PKHD1: variants seen among roughly 807,000 people sequenced by gnomAD.
PKHD1 encodes the protein fibrocystin.
In PKHD1, 291 loss-of-function variants were observed where a neutral mutation model predicts 412.0. The ratio of observed to expected loss-of-function variants is 0.71; its 90% CI spans 0.64 to 0.78. The LOEUF is 0.78. Among genes scored for constraint, PKHD1 ranks in the 30% least tolerant of loss-of-function variants. The pLI is 0.00. For synonymous variants in PKHD1, 1,777 were observed against 1,821.5 expected (o/e 0.98, Z 0.62); for missense variants, 4,825 against 4,950.7 (o/e 0.97, Z 0.76).
chr6:51,874,981 C>T (rs1354748676), intron 46 of PKHD1, among the ~76,000 whole-genome samples: 4 of 68,692 alleles, frequency 5.8e-5, no homozygotes, highest in African/African-American at 6.3e-5. Context: ...GTTCCCTTTC[C>T]GAGTCAAAGA....
rs559081597 is a variant in PKHD1 at position 51,939,207 on chromosome 6, T to C, written c.5909-4885A>G. 7.3e-5 allele frequency among the ~76,000 whole-genome samples: 11 copies of C among 151,032 alleles called. No homozygotes were observed. The East Asian group carries it at 1.9e-3, about 27-fold the overall frequency. ...TGTCTCTACCCCTTCTCCACTTTTC[T>C]GGGGGGCAAGAACCCCCCCAACCCC... On this transcript the variant is annotated intron_variant, in intron 36 of 66. Coordinates refer to ENST00000371117, the MANE Select transcript of PKHD1 (RefSeq NM_138694.4).
chr6:51,939,167 G>A lies in PKHD1; in HGVS notation c.5909-4845C>T, dbSNP rs1013907536. Among the ~76,000 whole-genome samples, 20 of 150,522 alleles carry A rather than the reference G, an allele frequency of 1.3e-4. 2 individuals are homozygous for A. Among genetic ancestry groups the A allele is most frequent in the Admixed American group, 5.3e-4 (8 of 15,136 alleles). On this transcript the variant is annotated intron_variant, in intron 36 of 66. Transcript: ENST00000371117. ...TTTTCTGGGGGGCAAGGACCCCCCT[G>A]ACCCCTTCTCTCCATGTCTCTACCC...
chr6:52,082,528 C>T lies in PKHD1; in HGVS notation c.145G>A (p.Val49Ile), dbSNP rs1812194918. The change falls in exon 4 of 67, where the codon GTT (valine) becomes ATT (isoleucine). Residue 49 changes from valine (V) to isoleucine (I), a missense_variant. By Grantham distance (29) the Val-to-Ile change is conservative (BLOSUM62 3). Coordinates refer to ENST00000371117, the MANE Select transcript of PKHD1 (RefSeq NM_138694.4). ...TGAGAGCCATTGTTGGGGTAAAGAA[C>T]ACCCAACTCCAAACCTAACACAAGG... The part of the protein sequence containing the change: ...TVIFDGLELG[V>I]LYPNNGSQLE... The T allele has an allele frequency of 6.2e-7, 1 of 1,613,906 alleles. No individual in the cohort carries two copies. Among genetic ancestry groups the T allele is most frequent in the South Asian group, 1.1e-5 (1 of 91,074 alleles).
chr6:51,636,558 T>C (rs1014778481), intron 64 of PKHD1, among the ~76,000 whole-genome samples: 3 of 150,404 alleles, frequency 2.0e-5, no homozygotes, highest in African/African-American at 7.4e-5. Flanking sequence ...TCTCTAAAAA[T>C]AACAACAACA....
intron 60 of PKHD1, among the ~76,000 whole-genome samples, chr6:51,660,759 G>T (rs1013944260): frequency 1.3e-5 from 2 of 152,264 alleles, no homozygotes; most frequent in Non-Finnish European, 2.9e-5. Flanking sequence ...CATGCCCTCT[G>T]CATGTGCCAC....
At chr6:51,828,212 T>C (rs914180305) in intron 52 of PKHD1, among the ~76,000 whole-genome samples, 6 of 152,050 alleles carry the variant, frequency 3.9e-5, no homozygotes, top group African/African-American at 1.4e-4. Flanking sequence ...AAAGATACAA[T>C]GAAGAGTTAG....
intron 50 of PKHD1, among the ~76,000 whole-genome samples, chr6:51,837,078 G>A (rs552341726): frequency 3.2e-4 from 49 of 152,312 alleles, no homozygotes; most frequent in Non-Finnish European, 1.5e-5. Context: ...GGATAAACCA[G>A]TAGATTAAGC....
chr6:51,805,240 C>T (rs186657083), intron 52 of PKHD1, among the ~76,000 whole-genome samples: 142 of 152,298 alleles, frequency 9.3e-4, no homozygotes, highest in Admixed American at 3.9e-3. Context: ...CACATGGGTG[C>T]TGCTGGAGGC....
intron 35 of PKHD1, among the ~76,000 whole-genome samples, chr6:51,997,855 A>G (rs1797881924): frequency 1.3e-5 from 2 of 152,182 alleles, no homozygotes; most frequent in African/African-American, 2.4e-5. Context: ...ACTAAGTCCC[A>G]TCAGTCGTTT....
intron 4 of PKHD1, 98 bp downstream of exon 4, chr6:52,082,294 A>T: frequency 8.3e-7 from 1 of 1,209,006 alleles, no homozygotes; most frequent in Non-Finnish European, 1.2e-6. Flanking sequence ...CTGGCAATTG[A>T]ATCACAGCAA....
At chr6:51,843,058 A>T (rs575153267) in intron 50 of PKHD1, among the ~76,000 whole-genome samples, 1 of 152,204 alleles carries the variant, frequency 6.6e-6, no homozygotes, top group East Asian at 1.9e-4. Flanking sequence ...GATATGCTAC[A>T]TGCTCATTAT....
intron 37 of PKHD1, among the ~76,000 whole-genome samples, chr6:51,923,032 G>A (rs1041653354): frequency 3.9e-5 from 6 of 152,132 alleles, no homozygotes; most frequent in African/African-American, 1.2e-4. Context: ...TGCTCATGCT[G>A]GGAGCTATAG....
intron 60 of PKHD1, among the ~76,000 whole-genome samples, chr6:51,662,333 TC>T (rs1772992121): frequency 6.6e-6 from 1 of 151,442 alleles, no homozygotes; most frequent in East Asian, 1.9e-4. Context: ...TAACATATTC[TC>T]ACCACACACA....
Position 51,782,276 on chromosome 6 carries a change from T to TAC in PKHD1, c.8441-6357_8441-6356dup, listed in dbSNP as rs886327667. 5.9e-5 allele frequency among the ~76,000 whole-genome samples: 9 copies of TAC among 152,196 alleles called. No homozygotes were observed. In the East Asian group the frequency reaches 7.7e-4, roughly 13 times the overall value. On this transcript the variant is annotated intron_variant, in intron 53 of 66. Coordinates refer to ENST00000371117, the MANE Select transcript of PKHD1 (RefSeq NM_138694.4). Reference sequence around the variant, plus strand: ...TTTGGCTTAAAAAATATATTAAAACTACACACACACATATAGATTTAAGGA... The same window carrying TAC: ...TTTGGCTTAAAAAATATATTAAAACTACACACACACACATATAGATTTAAGGA...
At chr6:51,883,030 G>C in intron 46 of PKHD1, 63 bp downstream of exon 46, 2 of 1,267,954 alleles carry the variant, frequency 1.6e-6, no homozygotes, top group Non-Finnish European at 2.3e-6. Flanking sequence ...GATCATCAGG[G>C]GGCCCAGCAC....
intron 52 of PKHD1, among the ~76,000 whole-genome samples, chr6:51,818,390 T>A (rs1397041169): frequency 6.6e-6 from 1 of 152,170 alleles, no homozygotes; most frequent in Non-Finnish European, 1.5e-5. Context: ...CACAGCTTTT[T>A]AAAGGCTCTG....
Position 52,071,049 on chromosome 6 carries a change from A to G in PKHD1, c.624T>C (p.His208=), listed in dbSNP as rs767511678. 46 of 1,605,834 alleles carry G rather than the reference A, an allele frequency of 2.9e-5. No individual in the cohort carries two copies. The highest frequency in any genetic ancestry group is 3.7e-5 in the Non-Finnish European group (43 of 1,172,696). Residue 208 remains histidine, a synonymous_variant, in exon 9 of 67, where the codon CAT becomes CAC. Transcript: ENST00000371117. The part of the protein sequence containing the change: ...MGSCYPIQED[H]GLGTLQCHVE... ...CATGGCACTGCAGAGTCCCAAGACCATGGTCCTCCTGAATAGGATAACTAA... is the reference window on the plus strand; with the variant it reads ...CATGGCACTGCAGAGTCCCAAGACCGTGGTCCTCCTGAATAGGATAACTAA...
intron 48 of PKHD1, 100 bp downstream of exon 48, chr6:51,867,763 A>C: frequency 8.8e-7 from 1 of 1,133,340 alleles, no homozygotes; most frequent in South Asian, 1.3e-5. Context: ...TAAATACTTC[A>C]AATAATCTAG....
chr6:51,882,525 A>G (rs1363658128), intron 46 of PKHD1, among the ~76,000 whole-genome samples: 1 of 152,234 alleles, frequency 6.6e-6, no homozygotes, highest in Non-Finnish European at 1.5e-5. Context: ...TATGATTTCC[A>G]TAATGATGTG....
Sources: gnomAD v4.1 joint callset for allele counts (sites outside exome capture counted in the v4.1 genomes callset) on GRCh38, gnomAD v4.1.1 for gene constraint, MANE v1.5 for transcripts, NCBI Gene and HGNC (gene_info 2026-07-23, HGNC 2026-07-21) for gene names.